The following FAR2 variants were observed in gnomAD, a reference collection of about 807,000 sequenced individuals.
FAR2 encodes the protein epididymis secretory protein Li 81.
FAR2 carries 19 observed loss-of-function variants against 56.0 expected under a neutral mutation model. The observed-to-expected ratio is 0.34, with a 90% CI of 0.24 to 0.50. The LOEUF (loss-of-function observed/expected upper bound fraction) is 0.50, where lower values mean the gene tolerates loss of function less well. Ranked by LOEUF, FAR2 falls within the 20% of genes least tolerant of loss-of-function variation. The pLI is 0.98. For synonymous variants in FAR2, 219 were observed against 218.8 expected (o/e 1.00, Z -0.01); for missense variants, 508 against 642.2 (o/e 0.79, Z 2.26).
At chr12:29,249,363 C>T (rs1173665357) in intron 1 of FAR2, among the ~76,000 whole-genome samples, 1 of 152,182 alleles carries the variant, frequency 6.6e-6, no homozygotes, top group South Asian at 2.1e-4. Flanking sequence ...GTTTATTAAT[C>T]GTTGGTATGC....
At chr12:29,181,601 A>G (rs1949992599) in intron 1 of FAR2, among the ~76,000 whole-genome samples, 1 of 152,170 alleles carries the variant, frequency 6.6e-6, no homozygotes, top group South Asian at 2.1e-4. Flanking sequence ...CACCAGAATA[A>G]CAGACCTAAA....
chr12:29,304,001 A>G (rs1292875944), intron 4 of FAR2, among the ~76,000 whole-genome samples: 2 of 152,246 alleles, frequency 1.3e-5, no homozygotes, highest in African/African-American at 4.8e-5. Context: ...CCAATTCTCC[A>G]TAAGCATTAG....
chr12:29,229,632 A>G (rs750899555), intron 1 of FAR2, among the ~76,000 whole-genome samples: 1 of 152,196 alleles, frequency 6.6e-6, no homozygotes, highest in Non-Finnish European at 1.5e-5. Context: ...GCTCTGCACT[A>G]CTTTCAGAGG....
intron 1 of FAR2, among the ~76,000 whole-genome samples, chr12:29,222,096 G>C (rs551602424): frequency 2.0e-5 from 3 of 152,016 alleles, no homozygotes; most frequent in Non-Finnish European, 4.4e-5. Flanking sequence ...TGATCTGCCC[G>C]CCTCGGCCTC....
chr12:29,222,010 G>A (rs531131974), intron 1 of FAR2, among the ~76,000 whole-genome samples: 3 of 152,078 alleles, frequency 2.0e-5, no homozygotes, highest in Non-Finnish European at 2.9e-5. Flanking sequence ...ACCACACCCA[G>A]CTAATTTTTT....
intron 1 of FAR2, among the ~76,000 whole-genome samples, chr12:29,237,223 G>A (rs759020061): frequency 1.4e-4 from 21 of 152,106 alleles, no homozygotes; most frequent in Non-Finnish European, 2.6e-4. Context: ...AGTGTGGTCC[G>A]CGGACTTTTG....
chr12:29,169,355 C>T (rs910992297), intron 1 of FAR2, among the ~76,000 whole-genome samples: 3 of 152,240 alleles, frequency 2.0e-5, no homozygotes, highest in African/African-American at 7.2e-5. Flanking sequence ...GTTAGTTGAG[C>T]TCATTTGGGG....
At chr12:29,173,760 C>G (rs1390639988) in intron 1 of FAR2, among the ~76,000 whole-genome samples, 1 of 152,194 alleles carries the variant, frequency 6.6e-6, no homozygotes, top group East Asian at 1.9e-4. Flanking sequence ...TCCCCACACC[C>G]CCCCTACCCA....
chr12:29,262,999 T>G (rs966806001), intron 1 of FAR2, among the ~76,000 whole-genome samples: 1 of 152,164 alleles, frequency 6.6e-6, no homozygotes, highest in African/African-American at 2.4e-5. Flanking sequence ...CTTATAGCTA[T>G]ATTTATACCA....
chr12:29,323,046 T>C (rs1460745053), intron 10 of FAR2, among the ~76,000 whole-genome samples: 3 of 152,276 alleles, frequency 2.0e-5, no homozygotes. Flanking sequence ...AGCTGTAGAC[T>C]GGAGCTGTTC....
At chr12:29,329,067 A>C (rs1949692748) in intron 10 of FAR2, among the ~76,000 whole-genome samples, 1 of 152,182 alleles carries the variant, frequency 6.6e-6, no homozygotes, top group Non-Finnish European at 1.5e-5. Context: ...TATTAGGCAC[A>C]AAAGGCAAGA....
intron 1 of FAR2, among the ~76,000 whole-genome samples, chr12:29,257,299 G>C (rs1948335771): frequency 6.6e-6 from 1 of 151,994 alleles, no homozygotes; most frequent in African/African-American, 2.4e-5. Context: ...ACCTTTGTGT[G>C]GACACTCTGT....
intron 9 of FAR2, among the ~76,000 whole-genome samples, chr12:29,320,279 T>C (rs993607530): frequency 1.3e-5 from 2 of 152,356 alleles, no homozygotes; most frequent in African/African-American, 4.8e-5. Context: ...ATTAGGTTGA[T>C]ATAGTTCTGT....
intron 1 of FAR2, among the ~76,000 whole-genome samples, chr12:29,174,869 C>T (rs942071537): frequency 2.0e-5 from 3 of 152,206 alleles, no homozygotes; most frequent in Non-Finnish European, 2.9e-5. Context: ...GAGAGTTCCA[C>T]TCATGGCCAC....
At chr12:29,237,883 C>A (rs954926218) in intron 1 of FAR2, among the ~76,000 whole-genome samples, 3 of 152,112 alleles carry the variant, frequency 2.0e-5, no homozygotes, top group African/African-American at 7.2e-5. Context: ...TTAAAAATAT[C>A]ATTTTTTATA....
At chr12:29,308,911 A>G (rs957927526) in intron 5 of FAR2, among the ~76,000 whole-genome samples, 8 of 152,080 alleles carry the variant, frequency 5.3e-5, no homozygotes, top group Non-Finnish European at 1.0e-4. Flanking sequence ...AATTTAGTCC[A>G]TAAGAGGTCA....
intron 1 of FAR2, among the ~76,000 whole-genome samples, chr12:29,167,062 G>A (rs1429209249): frequency 6.6e-6 from 1 of 151,904 alleles, no homozygotes; most frequent in Admixed American, 6.6e-5. Flanking sequence ...GCCAATAATC[G>A]ATTTTTCCTG....
At chr12:29,316,757 T>C in intron 8 of FAR2, 84 bp from the exon 9 acceptor site, 1 of 1,332,532 alleles carries the variant, frequency 7.5e-7, no homozygotes, top group Non-Finnish European at 1.0e-6. Context: ...GTCTTTATTG[T>C]TTTGACCCAT....
chr12:29,253,178 T>C (rs1948241528), intron 1 of FAR2, among the ~76,000 whole-genome samples: 1 of 138,250 alleles, frequency 7.2e-6, no homozygotes, highest in Non-Finnish European at 1.6e-5. Flanking sequence ...TCTCTCCCTA[T>C]CTCTCTCTCT....
Sources: gnomAD v4.1 joint callset for allele counts (sites outside exome capture counted in the v4.1 genomes callset) on GRCh38, gnomAD v4.1.1 for gene constraint, MANE v1.5 for transcripts, NCBI Gene and HGNC (gene_info 2026-07-23, HGNC 2026-07-21) for gene names.